CACNA1C: variants seen among roughly 807,000 people sequenced by gnomAD.
CACNA1C encodes the protein voltage-dependent L-type calcium channel subunit alpha-1C.
In CACNA1C, 30 loss-of-function variants were observed where a neutral mutation model predicts 229.0. The observed-to-expected ratio is 0.13, with a 90% CI of 0.10 to 0.18. The LOEUF (loss-of-function observed/expected upper bound fraction) is 0.18, where lower values mean the gene tolerates loss of function less well. Among genes scored for constraint, CACNA1C ranks in the 10% least tolerant of loss-of-function variants. The pLI is 1.00. For synonymous variants in CACNA1C, 1,114 were observed against 1,132.5 expected (o/e 0.98, Z 0.33); for missense variants, 1,658 against 2,845.0 (o/e 0.58, Z 9.49).
rs112807595 is a variant in CACNA1C at position 2,115,607 on chromosome 12, G to T, written c.371+62G>T. 4.6e-6 allele frequency: 7 copies of T among 1,533,300 alleles called. No individual in the cohort carries two copies. In the East Asian group the frequency reaches 1.4e-4, roughly 30 times the overall value. The allele number at this position is 1,533,300 out of a possible 1,614,324, so 95.0% of individuals were successfully genotyped here. On this transcript the variant is annotated intron_variant, in intron 2 of 46. Transcript: ENST00000399655. ...ACCTGCACGCTGGGTCCAGCCCTCC[G>T]AGGCTCCCTGGGCCACGAGCTGTGT...
intron 1 of CACNA1C, among the ~76,000 whole-genome samples, chr12:2,010,199 A>T (rs1423091398): frequency 6.6e-6 from 1 of 152,240 alleles, no homozygotes; most frequent in African/African-American, 2.4e-5. Flanking sequence ...CAATATTTTT[A>T]TACGCTAAAG....
chr12:2,556,427 G>A (rs1296605311), intron 10 of CACNA1C, among the ~76,000 whole-genome samples: 1 of 152,312 alleles, frequency 6.6e-6, no homozygotes, highest in Middle Eastern at 3.4e-3. Context: ...TGGGGCTGGC[G>A]CCTTAGGCCT....
At chr12:2,217,034 C>T (rs2060147612) in intron 3 of CACNA1C, among the ~76,000 whole-genome samples, 1 of 152,178 alleles carries the variant, frequency 6.6e-6, no homozygotes. Context: ...AATGGATAAA[C>T]AGGATGTGGT....
chr12:2,404,274 A>G (rs1275976100), intron 3 of CACNA1C, among the ~76,000 whole-genome samples: 1 of 152,020 alleles, frequency 6.6e-6, no homozygotes, highest in African/African-American at 2.4e-5. Context: ...CCTTTTCCTC[A>G]CAGTAACTAA....
At position 1,996,388 on chromosome 12, in the gene CACNA1C, C is replaced by T. The variant is rs950400664; in HGVS notation, c.139+25187C>T. Among the ~76,000 whole-genome samples, 56 of 151,934 alleles carry T rather than the reference C, an allele frequency of 3.7e-4. 1 individual carries two copies. The highest frequency in any genetic ancestry group is 1.3e-3 in the African/African-American group (55 of 41,338). On this transcript the variant is annotated intron_variant, in intron 1 of 46. Transcript: ENST00000682462. ...CTCTGCACCACATCTCCCTCACTGT[C>T]CCTTTAACACACCAGGTTCTCCGCC...
chr12:2,094,855 AGCCCTT>A (rs2073133621), intron 1 of CACNA1C, among the ~76,000 whole-genome samples: 1 of 152,192 alleles, frequency 6.6e-6, no homozygotes, highest in Non-Finnish European at 1.5e-5. Flanking sequence ...CCAGGTGCTC[AGCCCTT>A]CCTGTGCCTC....
At chr12:1,991,828 T>C (rs2039504577) in intron 1 of CACNA1C, 1 of 154,272 alleles carries the variant, frequency 6.5e-6, no homozygotes, top group African/African-American at 2.4e-5. Context: ...ATGTGATCTA[T>C]AATAAGAATT....
At chr12:2,058,776 T>A (rs2056292227) in intron 1 of CACNA1C, among the ~76,000 whole-genome samples, 1 of 152,208 alleles carries the variant, frequency 6.6e-6, no homozygotes, top group Admixed American at 6.5e-5. Context: ...AAGCCGGGTG[T>A]GTAGACTTAA....
chr12:2,608,390 T>A lies in CACNA1C; in HGVS notation c.3357-121T>A, dbSNP rs1413454039. The A allele has an allele frequency of 4.4e-6, 3 of 687,834 alleles. No individual in the cohort carries two copies. The highest frequency in any genetic ancestry group is 7.1e-6 in the Non-Finnish European group (3 of 420,796). The allele number at this position is 687,834 out of a possible 1,614,324, so 42.6% of individuals were successfully genotyped here. The stretch of plus-strand genomic sequence containing the variant: ...AGCCAGTAAGAGGCCGAGCTGGGAC[T>A]CCAGCCCAGAGCTGTCTCCTGCACC... On this transcript the variant is annotated intron_variant, in intron 26 of 46. Coordinates refer to ENST00000399655, the MANE Select transcript of CACNA1C (RefSeq NM_000719.7). This position sits in a 1 kb window ranked among gnomAD's most constrained non-coding sequence, Gnocchi z 4.2.
At position 2,686,201 on chromosome 12, in the gene CACNA1C, C is replaced by T. The variant is rs78593627; in HGVS notation, c.5716C>T (p.Arg1906Ter). 2.5e-6 allele frequency: 4 copies of T among 1,613,714 alleles called. No individual in the cohort carries two copies. The highest frequency in any genetic ancestry group is 1.3e-5 in the African/African-American group (1 of 74,918). Residue 1906 changes from arginine to a stop codon, truncating the protein, a stop_gained, in exon 45 of 47, where the codon CGA (arginine) becomes TGA (stop). Coordinates refer to ENST00000399655, the MANE Select transcript of CACNA1C (RefSeq NM_000719.7). LOFTEE classifies it high-confidence loss of function. Reference protein sequence around the residue: ...RASFHLECLKRQKDRGGDISQ... With the variant: ...RASFHLECLK The stretch of plus-strand genomic sequence containing the variant: ...CTCCTTCCACCTGGAATGTCTGAAG[C>T]GACAGAAGGACCGAGGGGGAGACAT...
Position 2,597,173 on chromosome 12 carries a change from G to C in CACNA1C, c.2794-57G>C. 2 of 1,135,406 alleles carry C rather than the reference G, an allele frequency of 1.8e-6. No individual in the cohort carries two copies. Among genetic ancestry groups the C allele is most frequent in the Admixed American group, 3.5e-5 (2 of 57,548 alleles). 70.3% of individuals were successfully genotyped at this position (1,135,406 alleles called of 1,614,324 possible). On this transcript the variant is annotated intron_variant, in intron 20 of 46. Transcript: ENST00000399655. The surrounding 1 kb of genome is among the most constrained non-coding windows in gnomAD (Gnocchi z 4.3). ...TGAACATCCACTGACCTCTCTTCCC[G>C]TCCTGCTTTTCTCCCTTCCCCATCC... is the stretch of plus-strand genomic sequence containing the variant.
At chr12:2,068,539 T>C (rs894913796) in intron 1 of CACNA1C, among the ~76,000 whole-genome samples, 1 of 152,252 alleles carries the variant, frequency 6.6e-6, no homozygotes, top group Non-Finnish European at 1.5e-5. Flanking sequence ...TGTTGACTTC[T>C]CATAGATGCC....
chr12:2,398,493 C>T (rs755572691), intron 3 of CACNA1C, among the ~76,000 whole-genome samples: 6 of 152,234 alleles, frequency 3.9e-5, no homozygotes, highest in Non-Finnish European at 7.3e-5. Flanking sequence ...CATCGGGAGA[C>T]TGGCCACTCA....
At chr12:2,036,915 G>A (rs1326470350) in intron 1 of CACNA1C, among the ~76,000 whole-genome samples, 2 of 152,204 alleles carry the variant, frequency 1.3e-5, no homozygotes, top group African/African-American at 2.4e-5. Flanking sequence ...AGGATTCGGG[G>A]TACCCTGGGA....
intron 1 of CACNA1C, among the ~76,000 whole-genome samples, chr12:1,990,952 G>A (rs2039221560): frequency 1.3e-5 from 2 of 149,818 alleles, no homozygotes; most frequent in Admixed American, 6.7e-5. Context: ...ATGACTCTGG[G>A]TGCAAAGGCA....
intron 3 of CACNA1C, among the ~76,000 whole-genome samples, chr12:2,143,151 T>G (rs1324058119): frequency 6.6e-6 from 1 of 151,018 alleles, no homozygotes; most frequent in Non-Finnish European, 1.5e-5. Context: ...AAGTTTTGTA[T>G]TTTTAGTAGA....
chr12:2,194,058 T>C (rs991611333), intron 3 of CACNA1C, among the ~76,000 whole-genome samples: 4 of 152,098 alleles, frequency 2.6e-5, no homozygotes, highest in Admixed American at 2.0e-4. Flanking sequence ...GGCTTCCTCT[T>C]AGAGTCAGCG....
chr12:2,436,056 G>C (rs2099131596), intron 3 of CACNA1C, among the ~76,000 whole-genome samples: 1 of 152,218 alleles, frequency 6.6e-6, no homozygotes, highest in Non-Finnish European at 1.5e-5. Context: ...CAGTGATGGA[G>C]ATGGGTGGTC....
In CACNA1C at chr12:2,416,196, G is replaced by A. The variant is rs149195876; in HGVS notation, c.478-32780G>A. ...GGTCTTATTTGTTCACTCATTTACC[G>A]TCCTTCCCACCTGCGTGCACCTCCG... On this transcript the variant is annotated intron_variant, in intron 3 of 46. Transcript: ENST00000399655. 2.8e-3 allele frequency among the ~76,000 whole-genome samples: 429 copies of A among 151,876 alleles called. 2 individuals are homozygous for A. The highest frequency in any genetic ancestry group is 9.8e-3 in the African/African-American group (403 of 41,220).
Sources: allele counts gnomAD v4.1 joint callset (sites outside exome capture counted in the v4.1 genomes callset), GRCh38; gene constraint gnomAD v4.1.1; non-coding constraint Gnocchi (gnomAD v3.1); transcripts MANE v1.5; gene names NCBI Gene and HGNC (gene_info 2026-07-23, HGNC 2026-07-21).